The following HS3ST4 variants were observed in gnomAD, a reference collection of about 807,000 sequenced individuals.
HS3ST4 encodes heparan sulfate glucosamine 3-O-sulfotransferase 4.
A neutral mutation model predicts 29.2 loss-of-function variants in HS3ST4; 17 were observed. The ratio of observed to expected loss-of-function variants is 0.58; its 90% confidence interval spans 0.40 to 0.87. HS3ST4 has a LOEUF of 0.87. HS3ST4 is among the 40% of genes least tolerant of loss of function. The pLI is 0.00. For synonymous variants in HS3ST4, 314 were observed against 285.7 expected (o/e 1.10, Z -1.00); for missense variants, 627 against 634.5 (o/e 0.99, Z 0.13).
rs1232056897 is a variant in HS3ST4 at position 25,692,446 on chromosome 16, C to T, written c.29C>T (p.Pro10Leu). 7.9e-7 allele frequency: 1 copy of T among 1,263,198 alleles called. No individual in the cohort carries two copies. The highest frequency in any genetic ancestry group is 1.0e-6 in the Non-Finnish European group (1 of 993,346). The allele number at this position is 1,263,198 out of a possible 1,614,324, so 78.2% of individuals were successfully genotyped here. The change falls in exon 1 of 2, where the codon CCT becomes CTT. Residue 10 changes from proline to leucine, a missense_variant. Pro to Leu is a moderately conservative substitution (Grantham distance 98). Around this residue, in one of 2 missense-constraint regions of HS3ST4, gnomAD observed 402 missense variants for 340.8 expected, o/e 1.18. Transcript: ENST00000331351. The stretch of plus-strand genomic sequence containing the variant: ...GCCCGGTGGCCCGCACCTCCTCCGC[C>T]TCCGCCTCCGCCTCCACCTCTGGCC... Reference protein sequence around the residue: MARWPAPPPPPPPPPPLAAP... With the variant: MARWPAPPPLPPPPPPLAAP...
chr16:25,903,011 ACT>A (rs1968134188), intron 1 of HS3ST4, among the ~76,000 whole-genome samples: 1 of 143,668 alleles, frequency 7.0e-6, no homozygotes, highest in Non-Finnish European at 1.5e-5. Flanking sequence ...ATGGAGTGAG[ACT>A]CTGCCTCAAA....
chr16:25,845,647 GTAATAATAA>G (rs60639924), intron 1 of HS3ST4, among the ~76,000 whole-genome samples: 3,536 of 143,272 alleles, frequency 0.025, 156 homozygotes, highest in African/African-American at 0.085. Context: ...GGAATAGCAT[GTAATAATAA>G]TAATAATAAT....
At chr16:26,094,254 A>G (rs1898895895) in intron 1 of HS3ST4, among the ~76,000 whole-genome samples, 1 of 152,194 alleles carries the variant, frequency 6.6e-6, no homozygotes, top group African/African-American at 2.4e-5. Context: ...AATTCAGGAA[A>G]TGCAGAGAAC....
At chr16:26,062,438 A>C (rs1372853099) in intron 1 of HS3ST4, among the ~76,000 whole-genome samples, 3 of 152,146 alleles carry the variant, frequency 2.0e-5, no homozygotes, top group African/African-American at 7.2e-5. Context: ...CTGCCATGAT[A>C]ACATATTGGG....
At chr16:25,768,323 T>G (rs1305316402) in intron 1 of HS3ST4, among the ~76,000 whole-genome samples, 4 of 152,164 alleles carry the variant, frequency 2.6e-5, no homozygotes, top group African/African-American at 9.7e-5. Flanking sequence ...GAATAGGGAG[T>G]GTGTCTCTTG....
intron 1 of HS3ST4, among the ~76,000 whole-genome samples, chr16:25,872,703 G>A (rs1012602470): frequency 1.3e-5 from 2 of 152,130 alleles, no homozygotes; most frequent in East Asian, 1.9e-4. Context: ...ATGCACCATC[G>A]ACCAAAGCAA....
chr16:26,040,570 G>T (rs376567685), intron 1 of HS3ST4, among the ~76,000 whole-genome samples: 2 of 151,926 alleles, frequency 1.3e-5, no homozygotes, highest in African/African-American at 2.4e-5. Context: ...CTCCCAAAGT[G>T]CAGGGATTAC....
chr16:25,975,238 A>G (rs61603413), intron 1 of HS3ST4, among the ~76,000 whole-genome samples: 18,830 of 144,582 alleles, frequency 0.13, 1,265 homozygotes, highest in African/African-American at 0.16. Flanking sequence ...GGAGCTAAAC[A>G]TTGGGTATAC....
chr16:25,842,114 C>T (rs1221655467), intron 1 of HS3ST4, among the ~76,000 whole-genome samples: 1 of 152,146 alleles, frequency 6.6e-6, no homozygotes, highest in Non-Finnish European at 1.5e-5. Flanking sequence ...TATGGCAAGT[C>T]CAGCTGCAGA....
rs544978076 is a variant in HS3ST4 at position 26,116,195 on chromosome 16, G to C, written c.735-19417G>C. Among the ~76,000 whole-genome samples, 3 of 152,264 alleles carry C rather than the reference G, an allele frequency of 2.0e-5. 1 individual carries two copies. In the South Asian group the frequency reaches 6.2e-4, roughly 32 times the overall value. On this transcript the variant is annotated intron_variant, in intron 1 of 1. Coordinates refer to ENST00000331351, the MANE Select transcript of HS3ST4 (RefSeq NM_006040.3). ...GGACCTCTGCTTCTTTCTGGCTGTT[G>C]GCCAGAGACATCTGCCCTCAGTTCC... is the stretch of plus-strand genomic sequence containing the variant.
intron 1 of HS3ST4, among the ~76,000 whole-genome samples, chr16:25,725,105 C>CAGTAGAA (rs1966524064): frequency 6.9e-6 from 1 of 144,486 alleles, no homozygotes; most frequent in Non-Finnish European, 1.5e-5. Context: ...ATACAGGATA[C>CAGTAGAA]TTTTAATTCT....
chr16:25,771,567 T>A (rs1024726054), intron 1 of HS3ST4, among the ~76,000 whole-genome samples: 20 of 152,138 alleles, frequency 1.3e-4, no homozygotes, highest in African/African-American at 4.8e-4. Flanking sequence ...GAAGCCTTCC[T>A]TATCTTCTGT....
chr16:25,940,332 G>A lies in HS3ST4; in HGVS notation c.735-195280G>A, dbSNP rs576502124. Among the ~76,000 whole-genome samples, 3 of 152,206 alleles carry A rather than the reference G, an allele frequency of 2.0e-5. No homozygotes were observed. The East Asian group carries it at 5.8e-4, about 29-fold the overall frequency. Reference sequence around the variant, plus strand: ...TTAATAAGAGCATGGTCAGGATAAGGCATGCTAGGGTTAGGCACCAGGCCA... The same window carrying A: ...TTAATAAGAGCATGGTCAGGATAAGACATGCTAGGGTTAGGCACCAGGCCA... On this transcript the variant is annotated intron_variant, in intron 1 of 1. Transcript: ENST00000331351.
intron 1 of HS3ST4, among the ~76,000 whole-genome samples, chr16:25,777,790 G>A (rs1046770531): frequency 6.6e-6 from 1 of 151,886 alleles, no homozygotes; most frequent in Non-Finnish European, 1.5e-5. Flanking sequence ...CAAAGAAATC[G>A]AAACAGCAAA....
intron 1 of HS3ST4, among the ~76,000 whole-genome samples, chr16:26,025,556 G>C (rs1285502486): frequency 2.0e-5 from 3 of 152,192 alleles, no homozygotes; most frequent in Non-Finnish European, 4.4e-5. Flanking sequence ...ACGCAAAGGA[G>C]TTTTTGATTG....
rs372398936 is a variant in HS3ST4, at chr16:26,096,354, T to G, written c.735-39258T>G. On this transcript the variant is annotated intron_variant, in intron 1 of 1. Coordinates refer to ENST00000331351, the MANE Select transcript of HS3ST4 (RefSeq NM_006040.3). ...AATGCAAAAATCCTCAATAAAATAC[T>G]GGCAAACCGAATCCAGCAGCACATC... 5.9e-5 allele frequency among the ~76,000 whole-genome samples: 9 copies of G among 152,190 alleles called. No homozygotes were observed. In the East Asian group the frequency reaches 1.5e-3, roughly 26 times the overall value.
chr16:25,968,205 T>C (rs949105360), intron 1 of HS3ST4, among the ~76,000 whole-genome samples: 3 of 152,160 alleles, frequency 2.0e-5, no homozygotes, highest in African/African-American at 7.2e-5. Context: ...GCCCCTGGCC[T>C]GAGACTTGTT....
intron 1 of HS3ST4, among the ~76,000 whole-genome samples, chr16:26,116,397 C>G (rs138504015): frequency 1.3e-5 from 2 of 152,178 alleles, no homozygotes; most frequent in East Asian, 1.9e-4. Context: ...CCTGATCACA[C>G]CCGCATTCAA....
intron 1 of HS3ST4, among the ~76,000 whole-genome samples, chr16:25,826,512 G>A (rs1596583023): frequency 6.6e-6 from 1 of 152,132 alleles, no homozygotes; most frequent in Non-Finnish European, 1.5e-5. Context: ...GGGTGGCAAG[G>A]ATATTATTGA....
Sources: gnomAD v4.1 joint callset for allele counts (sites outside exome capture counted in the v4.1 genomes callset) on GRCh38, gnomAD v4.1.1 for gene constraint, gnomAD v4.1.1 regional missense constraint, MANE v1.5 for transcripts, NCBI Gene and HGNC (gene_info 2026-07-23, HGNC 2026-07-21) for gene names.